The following DIAPH2 variants were observed in gnomAD, a reference collection of about 807,000 sequenced individuals.
The protein encoded by DIAPH2 is diaphanous related formin 2, also known as protein diaphanous homolog 2.
DIAPH2 carries 35 observed loss-of-function variants against 92.7 expected under a neutral mutation model. The ratio of observed to expected loss-of-function variants is 0.38; its 90% CI spans 0.29 to 0.50. The LOEUF (loss-of-function observed/expected upper bound fraction) is 0.50. Among genes scored for constraint, DIAPH2 ranks in the 20% least tolerant of loss-of-function variants. The pLI is 0.94. For missense variants in DIAPH2, 701 were observed against 819.5 expected (o/e 0.86, Z 1.77); for synonymous variants, 301 against 280.4 (o/e 1.07, Z -0.73).
intron 26 of DIAPH2, among the ~76,000 whole-genome samples, chrX:97,563,495 A>G (rs961555848): frequency 5.4e-5 from 6 of 111,689 alleles, no homozygotes; most frequent in Non-Finnish European, 1.1e-4. Context: ...TACACTTAAT[A>G]TTTCTCTCTC....
At chrX:96,989,949 A>G (rs933976817) in intron 17 of DIAPH2, among the ~76,000 whole-genome samples, 1 of 112,152 alleles carries the variant, frequency 8.9e-6, no homozygotes, top group African/African-American at 3.2e-5. Flanking sequence ...ATGCATATGT[A>G]TGTGGAAGGG....
At chrX:97,300,795 G>A (rs1459706187) in intron 23 of DIAPH2, among the ~76,000 whole-genome samples, 1 of 98,344 alleles carries the variant, frequency 1.0e-5, no homozygotes, top group Non-Finnish European at 2.0e-5. Context: ...AGCCGGGCAT[G>A]GTGGCGGGCG....
intron 1 of DIAPH2, among the ~76,000 whole-genome samples, chrX:96,730,321 T>G (rs1283119512): frequency 2.7e-5 from 3 of 112,207 alleles, no homozygotes; most frequent in African/African-American, 9.7e-5. Flanking sequence ...GGTACTCAAC[T>G]AACAGAAAAT....
chrX:97,011,818 G>C (rs905176325), intron 17 of DIAPH2, among the ~76,000 whole-genome samples: 2 of 103,017 alleles, frequency 1.9e-5, no homozygotes, highest in Non-Finnish European at 3.9e-5. Context: ...CTGGACCCTG[G>C]GAGGTGGAGG....
chrX:97,390,123 G>A (rs553744668), intron 25 of DIAPH2, among the ~76,000 whole-genome samples: 1 of 109,486 alleles, frequency 9.1e-6, no homozygotes, highest in Non-Finnish European at 1.9e-5. Context: ...AGGTCAAGCC[G>A]GTCAGAGAGC....
intron 26 of DIAPH2, among the ~76,000 whole-genome samples, chrX:97,500,763 GAT>G (rs56041649): frequency 0.031 from 1,881 of 59,936 alleles, 31 homozygotes; most frequent in South Asian, 0.068. Flanking sequence ...CATTCAAGGA[GAT>G]ATATATATAT....
At chrX:97,337,163 T>C (rs982433914) in intron 23 of DIAPH2, among the ~76,000 whole-genome samples, 3 of 109,080 alleles carry the variant, frequency 2.8e-5, no homozygotes, top group African/African-American at 1.0e-4. Context: ...AGATCTACTC[T>C]TTAGGTAGTG....
rs752018360 is a variant in DIAPH2 at position 97,148,446 on chromosome X, T to A, written c.2719+6652T>A. On this transcript the variant is annotated intron_variant, in intron 22 of 26. Coordinates refer to ENST00000324765, the MANE Select transcript of DIAPH2 (RefSeq NM_006729.5). ...GTGTCACAGCAGCCCTTTAGCGTTA[T>A]TGGTAATAGAGCACATACCACATTT... 5.6e-3 allele frequency among the ~76,000 whole-genome samples: 627 copies of A among 112,077 alleles called. 2 individuals are homozygous for A. The highest frequency in any genetic ancestry group is 8.8e-3 in the Non-Finnish European group (470 of 53,244).
At chrX:96,973,519 CAACTATTTACA>C (rs1227116171) in intron 17 of DIAPH2, among the ~76,000 whole-genome samples, 2 of 111,054 alleles carry the variant, frequency 1.8e-5, no homozygotes, top group East Asian at 2.8e-4. Flanking sequence ...TACAGTATAA[CAACTATTTACA>C]TAGTATTTAC....
intron 22 of DIAPH2, among the ~76,000 whole-genome samples, chrX:97,203,700 G>A (rs1224259972): frequency 1.8e-5 from 2 of 111,346 alleles, no homozygotes; most frequent in East Asian, 2.8e-4. Flanking sequence ...AACCAAAAAA[G>A]CCCCAAACCA....
At chrX:96,901,881 T>G (rs908166265) in intron 5 of DIAPH2, among the ~76,000 whole-genome samples, 9 of 111,296 alleles carry the variant, frequency 8.1e-5, no homozygotes, top group African/African-American at 2.9e-4. Context: ...GACATTAGGT[T>G]GTCAATTTGT....
intron 11 of DIAPH2, among the ~76,000 whole-genome samples, chrX:96,937,985 C>T (rs771567610): frequency 9.0e-6 from 1 of 111,552 alleles, no homozygotes; most frequent in East Asian, 2.8e-4. Context: ...ATGTTTCTTA[C>T]TTAATGGATT....
chrX:97,351,344 C>G (rs2069210321), intron 24 of DIAPH2, among the ~76,000 whole-genome samples: 1 of 112,346 alleles, frequency 8.9e-6, no homozygotes, highest in African/African-American at 3.2e-5. Flanking sequence ...TTTGGTAATG[C>G]TCTGGGTCAC....
intron 26 of DIAPH2, among the ~76,000 whole-genome samples, chrX:97,520,131 T>C (rs1424425047): frequency 8.9e-6 from 1 of 112,696 alleles, no homozygotes; most frequent in Non-Finnish European, 1.9e-5. Flanking sequence ...AAGAATGTTA[T>C]TTCATTTTAC....
At chrX:97,210,003 A>G (rs1283801270) in intron 22 of DIAPH2, among the ~76,000 whole-genome samples, 2 of 111,459 alleles carry the variant, frequency 1.8e-5, no homozygotes, top group East Asian at 5.6e-4. Flanking sequence ...TTTCAAAGTC[A>G]TTGTCTCTGT....
In DIAPH2 at chrX:97,408,685, A is replaced by AT. The variant is rs2069835274; in HGVS notation, c.3146-20962dup. ...GAATAGATCTGGTGAGCTAAAGTAT[A>AT]TTTATGTGGTAGTCTTTCTAAAAGC... On this transcript the variant is annotated intron_variant, in intron 25 of 26. Coordinates refer to ENST00000324765, the MANE Select transcript of DIAPH2 (RefSeq NM_006729.5). Among the ~76,000 whole-genome samples, 3 of 111,910 alleles carry AT rather than the reference A, an allele frequency of 2.7e-5. No individual in the cohort carries two copies. The Admixed American group carries it at 2.9e-4, about 11-fold the overall frequency.
intron 23 of DIAPH2, among the ~76,000 whole-genome samples, chrX:97,325,236 G>A (rs972610993): frequency 8.0e-5 from 9 of 112,352 alleles, no homozygotes; most frequent in South Asian, 3.7e-4. Context: ...CACTGCCTGC[G>A]TGTGGAGGAG....
intron 1 of DIAPH2, among the ~76,000 whole-genome samples, chrX:96,691,588 T>G (rs2063798332): frequency 8.9e-6 from 1 of 112,352 alleles, no homozygotes; most frequent in South Asian, 3.7e-4. Flanking sequence ...TAACTGACTT[T>G]GTGTGAGGTT....
At chrX:96,731,569 A>C (rs1387236601) in intron 1 of DIAPH2, among the ~76,000 whole-genome samples, 1 of 111,633 alleles carries the variant, frequency 9.0e-6, no homozygotes, top group Non-Finnish European at 1.9e-5. Context: ...GAATCTTTAC[A>C]TCTTGCTCTT....
Sources: gnomAD v4.1 joint callset for allele counts (sites outside exome capture counted in the v4.1 genomes callset) on GRCh38, gnomAD v4.1.1 for gene constraint, MANE v1.5 for transcripts, NCBI Gene and HGNC (gene_info 2026-07-23, HGNC 2026-07-21) for gene names.